FAT3: variants seen among roughly 807,000 people sequenced by gnomAD.
FAT3 encodes FAT atypical cadherin 3, also known as protocadherin Fat 3.
FAT3 carries 95 observed loss-of-function variants against 310.2 expected under a neutral mutation model. That is an observed-to-expected ratio of 0.31 (90% CI 0.26 to 0.36). The LOEUF (loss-of-function observed/expected upper bound fraction) is 0.36. Ranked by LOEUF, FAT3 falls within the 10% of genes least tolerant of loss-of-function variation. The pLI, the probability that FAT3 is intolerant of heterozygous loss-of-function variation, is 1.00. For missense variants in FAT3, 5,408 were observed against 5,715.6 expected (o/e 0.95, Z 1.74); for synonymous variants, 2,314 against 2,192.9 (o/e 1.06, Z -1.54).
At chr11:92,344,794 C>T (rs11019916) in intron 1 of FAT3, among the ~76,000 whole-genome samples, 11,304 of 152,042 alleles carry the variant, frequency 0.074, 588 homozygotes, top group African/African-American at 0.14. Flanking sequence ...TAACACATCC[C>T]GATTGATGGC....
intron 3 of FAT3, among the ~76,000 whole-genome samples, chr11:92,663,690 T>G (rs1437868416): frequency 1.3e-5 from 2 of 152,174 alleles, no homozygotes; most frequent in African/African-American, 2.4e-5. Flanking sequence ...CACATCACAC[T>G]TGTCGTCATA....
chr11:92,291,080 T>C (rs1403150879), intron 1 of FAT3, among the ~76,000 whole-genome samples: 1 of 142,796 alleles, frequency 7.0e-6, no homozygotes. Flanking sequence ...CTTTTTATTC[T>C]ACACACACAC....
chr11:92,340,393 TTC>T (rs1186690612), intron 1 of FAT3, among the ~76,000 whole-genome samples: 1 of 152,124 alleles, frequency 6.6e-6, no homozygotes, highest in African/African-American at 2.4e-5. Context: ...CCCTTAGTTG[TTC>T]TCTCATTCAC....
intron 2 of FAT3, among the ~76,000 whole-genome samples, chr11:92,418,179 G>A (rs1012560948): frequency 3.0e-4 from 46 of 151,882 alleles, no homozygotes; most frequent in Admixed American, 2.2e-3. Flanking sequence ...ATTGATTTCC[G>A]CAAATGAAGG....
At chr11:92,320,096 GAA>G (rs1947570512) in intron 1 of FAT3, among the ~76,000 whole-genome samples, 2 of 152,200 alleles carry the variant, frequency 1.3e-5, no homozygotes, top group African/African-American at 4.8e-5. Flanking sequence ...GAGATTCACT[GAA>G]ACAAAACTCT....
chr11:92,447,653 G>T (rs114037424), intron 2 of FAT3, among the ~76,000 whole-genome samples: 2 of 151,740 alleles, frequency 1.3e-5, no homozygotes, highest in Admixed American at 6.6e-5. Context: ...ACTTAGAAGC[G>T]CTTTTCTTTT....
chr11:92,242,240 C>T (rs1864694782), intron 1 of FAT3, among the ~76,000 whole-genome samples: 3 of 151,998 alleles, frequency 2.0e-5, no homozygotes, highest in Admixed American at 2.0e-4. Context: ...CTGCTTTAGA[C>T]TTTTATAAAA....
intron 22 of FAT3, among the ~76,000 whole-genome samples, chr11:92,874,668 T>C (rs186623896): frequency 2.4e-4 from 36 of 152,326 alleles, no homozygotes; most frequent in Admixed American, 1.9e-3. Flanking sequence ...GCCTCCCAAG[T>C]AGCTGGGATT....
chr11:92,638,756 G>T (rs974461790), intron 3 of FAT3, among the ~76,000 whole-genome samples: 1 of 152,100 alleles, frequency 6.6e-6, no homozygotes, highest in East Asian at 1.9e-4. Flanking sequence ...GTGAAACTTG[G>T]CCAATTGTGC....
chr11:92,855,723 T>C (rs1948956871), intron 19 of FAT3, among the ~76,000 whole-genome samples: 1 of 152,148 alleles, frequency 6.6e-6, no homozygotes, highest in Non-Finnish European at 1.5e-5. Context: ...TATAGAACCA[T>C]TTGTACAGCC....
rs755329226 is a variant in FAT3, at chr11:92,806,458, A to G, written c.9190A>G (p.Ile3064Val). 3.2e-6 allele frequency: 5 copies of G among 1,577,354 alleles called. No homozygotes were observed. Among genetic ancestry groups the G allele is most frequent in the South Asian group, 1.2e-5 (1 of 86,158 alleles). ...TGCTGATATTGGATCCAATGGATATATACGATACTCACTCTATGGATCTGG... is the reference window on the plus strand; with the variant it reads ...TGCTGATATTGGATCCAATGGATATGTACGATACTCACTCTATGGATCTGG... ...KDADIGSNGY[I>V]RYSLYGSGNS... The change falls in exon 12 of 28, where the codon ATA (isoleucine) becomes GTA (valine). Residue 3064 changes from isoleucine (I) to valine (V), a missense_variant. This residue lies in a region of FAT3 where 4,588 missense variants were observed against 4,809.8 expected (regional missense o/e 0.95). Transcript: ENST00000525166.
intron 1 of FAT3, among the ~76,000 whole-genome samples, chr11:92,250,768 C>T (rs1254224391): frequency 6.6e-6 from 1 of 152,082 alleles, no homozygotes; most frequent in African/African-American, 2.4e-5. Context: ...GGAGGTCTCT[C>T]AACCAATTTC....
chr11:92,719,728 G>A (rs1944806291), intron 4 of FAT3, among the ~76,000 whole-genome samples: 1 of 127,384 alleles, frequency 7.9e-6, no homozygotes, highest in Admixed American at 7.8e-5. Context: ...CTCTGTGTGT[G>A]TGTGTGTGTG....
intron 22 of FAT3, among the ~76,000 whole-genome samples, chr11:92,870,299 C>A (rs1237590766): frequency 6.6e-6 from 1 of 152,196 alleles, no homozygotes; most frequent in Non-Finnish European, 1.5e-5. Flanking sequence ...CAATTACTAG[C>A]TTGGAATGAC....
chr11:92,382,087 G>C (rs544005255), intron 2 of FAT3, among the ~76,000 whole-genome samples: 1 of 152,296 alleles, frequency 6.6e-6, no homozygotes, highest in East Asian at 1.9e-4. Context: ...TGTTAGGAGA[G>C]AGAGACCTCA....
intron 2 of FAT3, among the ~76,000 whole-genome samples, chr11:92,512,268 C>A (rs947334685): frequency 6.6e-6 from 1 of 151,790 alleles, no homozygotes; most frequent in Non-Finnish European, 1.5e-5. Flanking sequence ...ATTTAAAGAT[C>A]TTAACTGCCT....
rs976112908 is a variant in FAT3 at position 92,453,033 on chromosome 11, C to T, written c.3293-71601C>T. On this transcript the variant is annotated intron_variant, in intron 2 of 27. Transcript: ENST00000525166. Reference sequence around the variant, plus strand: ...AAGCAATTGGCCCACTACAGCCTCCCAAAGTGTTGGGATTACAGGTGTGAC... The same window carrying T: ...AAGCAATTGGCCCACTACAGCCTCCTAAAGTGTTGGGATTACAGGTGTGAC... Among the ~76,000 whole-genome samples the T allele has an allele frequency of 3.3e-5, 5 of 152,234 alleles. No individual in the cohort carries two copies. In the East Asian group the frequency reaches 5.8e-4, roughly 18 times the overall value.
intron 6 of FAT3, among the ~76,000 whole-genome samples, chr11:92,766,424 T>TC (rs1392283444): frequency 1.7e-4 from 26 of 151,916 alleles, no homozygotes; most frequent in East Asian, 3.9e-4. Flanking sequence ...AACCTGCCTC[T>TC]CCCCCCCAGG....
At chr11:92,648,145 A>C (rs1942233496) in intron 3 of FAT3, among the ~76,000 whole-genome samples, 2 of 152,146 alleles carry the variant, frequency 1.3e-5, no homozygotes, top group Admixed American at 6.5e-5. Flanking sequence ...TTCCTATGAC[A>C]GTAGTGGTAG....
Sources: allele counts gnomAD v4.1 joint callset (sites outside exome capture counted in the v4.1 genomes callset), GRCh38; gene constraint gnomAD v4.1.1; regional missense constraint gnomAD v4.1.1; transcripts MANE v1.5; gene names NCBI Gene and HGNC (gene_info 2026-07-23, HGNC 2026-07-21).